The following CCDC141 variants were observed in gnomAD, a reference collection of about 807,000 sequenced individuals.
CCDC141 encodes coiled-coil domain containing 141, also known as coiled-coil domain-containing protein 141.
Under a neutral mutation model 181.0 loss-of-function variants are expected in CCDC141, and 168 were observed. The ratio of observed to expected loss-of-function variants is 0.93; its 90% confidence interval spans 0.82 to 1.05. The LOEUF (loss-of-function observed/expected upper bound fraction) is 1.05. Among genes scored for constraint, CCDC141 ranks in the 50% least tolerant of loss-of-function variants. The pLI is 0.00. For synonymous variants in CCDC141, 666 were observed against 642.3 expected, an observed-to-expected ratio of 1.04 and a Z score of -0.56; for missense variants, 1,902 against 1,788.5, an observed-to-expected ratio of 1.06 and a Z score of -1.14.
At chr2:178,858,987 T>A (rs995251349) in intron 17 of CCDC141, among the ~76,000 whole-genome samples, 6 of 152,170 alleles carry the variant, frequency 3.9e-5, no homozygotes, top group Non-Finnish European at 7.4e-5. Context: ...TTAAGACTGA[T>A]AAATGATGAG....
At chr2:178,836,013 T>C (rs917858541) in intron 23 of CCDC141, 11 of 152,652 alleles carry the variant, frequency 7.2e-5, no homozygotes, top group Admixed American at 4.6e-4. Flanking sequence ...ACTGATCATT[T>C]AATATCTACT....
intron 7 of CCDC141, among the ~76,000 whole-genome samples, chr2:178,908,444 G>A (rs896183631): frequency 2.6e-5 from 4 of 152,150 alleles, no homozygotes; most frequent in East Asian, 1.9e-4. Flanking sequence ...TGCCTGCGTC[G>A]GCCTCCCAAA....
chr2:178,838,961 G>C (rs1461154948), intron 22 of CCDC141, among the ~76,000 whole-genome samples: 1 of 152,156 alleles, frequency 6.6e-6, no homozygotes. Flanking sequence ...TCTCCTTTCT[G>C]TGCCGTTCCT....
At chr2:179,012,072 C>G (rs539978922) in intron 2 of CCDC141, among the ~76,000 whole-genome samples, 1 of 152,122 alleles carries the variant, frequency 6.6e-6, no homozygotes, top group South Asian at 2.1e-4. Flanking sequence ...ACTATAGAAA[C>G]AAGAACCAAA....
intron 14 of CCDC141, among the ~76,000 whole-genome samples, chr2:178,870,950 G>A (rs952193803): frequency 6.6e-6 from 1 of 152,086 alleles, no homozygotes; most frequent in Non-Finnish European, 1.5e-5. Flanking sequence ...GTGGAGTGGA[G>A]GGCACAGCAA....
intron 19 of CCDC141, 102 bp downstream of exon 19, chr2:178,855,245 G>T: frequency 2.2e-6 from 2 of 908,898 alleles, no homozygotes; most frequent in Non-Finnish European, 3.4e-6. Context: ...CATGATACAT[G>T]AATATAATGA....
At position 178,918,822 on chromosome 2, in the gene CCDC141, T is replaced by G. The variant is rs1291063358; in HGVS notation, c.983A>C (p.Gln328Pro). 1 of 1,550,514 alleles carries G rather than the reference T, an allele frequency of 6.4e-7. No homozygotes were observed. The highest frequency in any genetic ancestry group is 1.4e-5 in the African/African-American group (1 of 73,060). Residue 328 changes from glutamine (Q) to proline (P), a missense_variant, in exon 7 of 24, where the codon CAG becomes CCG. Physicochemically the swap from Gln to Pro is moderately conservative, Grantham distance 76 (BLOSUM62 -1). Transcript: ENST00000443758. ...SKDYVEKEHL[Q>P]LSHQKLSQLQ... ...CTGACTGAGTTTCTGGTGAGAGAGC[T>G]GGAGGTGTTCTTTCTCCACGTAGTC... is the stretch of plus-strand genomic sequence containing the variant.
Position 178,884,979 on chromosome 2 carries a change from T to C in CCDC141, c.1641A>G (p.Leu547=), listed in dbSNP as rs888252369. 1.2e-5 allele frequency: 19 copies of C among 1,550,392 alleles called. No individual in the cohort carries two copies. The highest frequency in any genetic ancestry group is 1.7e-5 in the Non-Finnish European group (19 of 1,146,902). ...SSKARWLAEE[L]NLFGQSIDYR... ...AGTCAATGCTTTGGCCAAATAGGTT[T>C]AATTCTTCTGCTAGCCATCTAGCTT... Residue 547 remains leucine, a synonymous_variant, in exon 11 of 24, where the codon TTA becomes TTG. Transcript: ENST00000443758.
intron 2 of CCDC141, among the ~76,000 whole-genome samples, chr2:179,015,592 ATG>A (rs1249146117): frequency 8.8e-4 from 61 of 69,602 alleles, no homozygotes; most frequent in Non-Finnish European, 1.7e-3. Flanking sequence ...TATATCTCAT[ATG>A]TATCTCATAT....
In CCDC141 at chr2:178,830,155, C is replaced by T. The variant is rs945497181; in HGVS notation, c.*4018G>A. 6.6e-6 allele frequency: 1 copy of T among 152,294 alleles called. No homozygotes were observed. The highest frequency in any genetic ancestry group is 2.1e-4 in the South Asian group (1 of 4,824). 9.4% of individuals were successfully genotyped at this position (152,294 alleles called of 1,614,324 possible). A position where few individuals can be genotyped will look rare whatever the true frequency, so the allele number is the denominator to read the frequency against. On this transcript the variant is annotated 3_prime_UTR_variant, in exon 24 of 24. Transcript: ENST00000443758. ...GAGTGGAGGCATCCAGTTCCTCATA[C>T]CGGATGATGATTTATGCCTAAGTAC...
the CCDC141 span, among the ~76,000 whole-genome samples, chr2:178,820,442 T>C: frequency 6.6e-6 from 1 of 152,204 alleles, no homozygotes; most frequent in African/African-American, 2.4e-5. Context: ...TTTAGATATG[T>C]ATTTTTATTA....
At chr2:178,926,268 G>A (rs1287199222) in intron 6 of CCDC141, among the ~76,000 whole-genome samples, 1 of 152,088 alleles carries the variant, frequency 6.6e-6, no homozygotes, top group Non-Finnish European at 1.5e-5. Context: ...GGTATTTAAT[G>A]AATAGGTAAT....
intron 2 of CCDC141, among the ~76,000 whole-genome samples, chr2:178,979,908 A>T (rs908321700): frequency 6.6e-6 from 1 of 152,182 alleles, no homozygotes; most frequent in East Asian, 1.9e-4. Flanking sequence ...AACTTTAAAT[A>T]TATAGCTAAC....
rs143948587 is a variant in CCDC141, at chr2:178,845,651, G to A, written c.3449C>T (p.Thr1150Ile). Residue 1150 changes from threonine (T) to isoleucine (I), a missense_variant, in exon 22 of 24, where the codon ACA (threonine) becomes ATA (isoleucine). Transcript: ENST00000443758. ...CTTATTCCTTTCTTCATTGAATATT[G>A]TCTGCTTATTTTTTGCTGGTTCCTT... is the stretch of plus-strand genomic sequence containing the variant. ...LLKEPAKNKQ[T>I]IFNEERNKGQ... The A allele has an allele frequency of 6.2e-7, 1 of 1,601,698 alleles. No homozygotes were observed. Among genetic ancestry groups the A allele is most frequent in the South Asian group, 1.1e-5 (1 of 90,782 alleles).
chr2:178,879,711 A>G lies in CCDC141; in HGVS notation c.1720-1568T>C, dbSNP rs115369797. ...ACACTGAGGAGAGACCACCAACTCTATATGGAGTAAATAGGGAAGAGCTTC... is the reference window on the plus strand; with the variant it reads ...ACACTGAGGAGAGACCACCAACTCTGTATGGAGTAAATAGGGAAGAGCTTC... On this transcript the variant is annotated intron_variant, in intron 11 of 23. Transcript: ENST00000443758. Among the ~76,000 whole-genome samples the G allele has an allele frequency of 1.2e-3, 177 of 152,306 alleles. 1 individual carries two copies. The highest frequency in any genetic ancestry group is 4.1e-3 in the African/African-American group (170 of 41,570).
chr2:178,971,514 G>A (rs946864907), intron 4 of CCDC141, among the ~76,000 whole-genome samples: 1 of 152,182 alleles, frequency 6.6e-6, no homozygotes, highest in Non-Finnish European at 1.5e-5. Flanking sequence ...ACAGTGTGGT[G>A]AATCCTCAAG....
intron 2 of CCDC141, among the ~76,000 whole-genome samples, chr2:178,982,940 G>T (rs1175870806): frequency 6.6e-6 from 1 of 152,224 alleles, no homozygotes; most frequent in Non-Finnish European, 1.5e-5. Flanking sequence ...CAGCCTGGAA[G>T]CTCGAACTGG....
the CCDC141 span, among the ~76,000 whole-genome samples, chr2:178,820,732 C>T: frequency 1.3e-5 from 2 of 152,066 alleles, no homozygotes; most frequent in African/African-American, 4.8e-5. Context: ...AAGCTTATTT[C>T]AAAAGGGATC....
At chr2:179,038,988 C>T (rs1038853353) in intron 2 of CCDC141, among the ~76,000 whole-genome samples, 5 of 152,188 alleles carry the variant, frequency 3.3e-5, no homozygotes, top group African/African-American at 1.2e-4. Flanking sequence ...TAACACTCTG[C>T]ACCTCACCTG....
Sources: allele counts gnomAD v4.1 joint callset (sites outside exome capture counted in the v4.1 genomes callset), GRCh38; gene constraint gnomAD v4.1.1; transcripts MANE v1.5; gene names NCBI Gene and HGNC (gene_info 2026-07-23, HGNC 2026-07-21).